HIPK2: variants seen among roughly 807,000 people sequenced by gnomAD.
HIPK2 encodes the protein homeodomain-interacting protein kinase 2.
Under a neutral mutation model 113.7 loss-of-function variants are expected in HIPK2, and 27 were observed. The observed-to-expected ratio is 0.24, with a 90% CI of 0.17 to 0.33. The LOEUF (loss-of-function observed/expected upper bound fraction) is 0.33, where lower values mean the gene tolerates loss of function less well. Among genes scored for constraint, HIPK2 ranks in the 10% least tolerant of loss-of-function variants. The pLI, the probability that HIPK2 is intolerant of heterozygous loss-of-function variation, is 1.00. For missense variants in HIPK2, 1,257 were observed against 1,588.0 expected (o/e 0.79, Z 3.54); for synonymous variants, 631 against 642.2 (o/e 0.98, Z 0.26).
chr7:139,608,252 C>CGCGTGTGT (rs1799692298), intron 9 of HIPK2, among the ~76,000 whole-genome samples: 1 of 136,964 alleles, frequency 7.3e-6, no homozygotes, highest in African/African-American at 2.7e-5. Context: ...CAAAAAAATA[C>CGCGTGTGT]GTGTGTGTGT....
chr7:139,655,232 T>C (rs1216706973), intron 2 of HIPK2, among the ~76,000 whole-genome samples: 2 of 152,126 alleles, frequency 1.3e-5, no homozygotes, highest in Admixed American at 1.3e-4. Context: ...TCATGACAAA[T>C]ACAAACCAGA....
chr7:139,644,373 G>A (rs1801136081), intron 2 of HIPK2, among the ~76,000 whole-genome samples: 1 of 152,180 alleles, frequency 6.6e-6, no homozygotes, highest in Non-Finnish European at 1.5e-5. Flanking sequence ...GTCACCATGT[G>A]TGGGAGGTGA....
At chr7:139,691,416 T>TAA (rs1794402188) in intron 2 of HIPK2, among the ~76,000 whole-genome samples, 3 of 152,208 alleles carry the variant, frequency 2.0e-5, no homozygotes, top group Non-Finnish European at 4.4e-5. Context: ...TTTCATGTAA[T>TAA]AAGACAATAA....
intron 13 of HIPK2, among the ~76,000 whole-genome samples, chr7:139,578,389 G>A (rs1007549342): frequency 6.6e-6 from 1 of 151,752 alleles, no homozygotes; most frequent in African/African-American, 2.4e-5. Context: ...CAAGTGATTT[G>A]CCTGCCTCAG....
In HIPK2 at chr7:139,631,825, T is replaced by C; in HGVS notation, c.1104-100A>G. ...TCAAACCTGGGGTGCCATTACTGAC[T>C]CCTCCTCTGAAGGGCCTGTGGCTCT... On this transcript the variant is annotated intron_variant, in intron 2 of 14. Transcript: ENST00000406875. The surrounding 1 kb of genome is among the most constrained non-coding windows in gnomAD (Gnocchi z 4.9). The C allele has an allele frequency of 1.4e-6, 2 of 1,411,596 alleles. No individual in the cohort carries two copies. The highest frequency in any genetic ancestry group is 9.5e-7 in the Non-Finnish European group (1 of 1,056,312). 87.4% of individuals were successfully genotyped at this position (1,411,596 alleles called of 1,614,324 possible).
chr7:139,665,242 T>C (rs1161203370), intron 2 of HIPK2, among the ~76,000 whole-genome samples: 1 of 152,130 alleles, frequency 6.6e-6, no homozygotes, highest in Non-Finnish European at 1.5e-5. Context: ...TCTTACTATG[T>C]TGCCCAGGCT....
intron 1 of HIPK2, among the ~76,000 whole-genome samples, chr7:139,761,073 CGTGAA>C (rs1315889636): frequency 2.6e-5 from 4 of 152,164 alleles, no homozygotes; most frequent in African/African-American, 9.7e-5. Flanking sequence ...CGTGTTACTA[CGTGAA>C]GTGGTTATTA....
In HIPK2 at chr7:139,613,830, G is replaced by T. The variant is rs913183322; in HGVS notation, c.1990+456C>A. On this transcript the variant is annotated intron_variant, in intron 8 of 14. Transcript: ENST00000406875. This position sits in a 1 kb window ranked among gnomAD's most constrained non-coding sequence, Gnocchi z 4.2. ...GAGGAGTGCTGGGGTCATGGCCAAA[G>T]AATTGTTTTGAGGAGGGGTCCCAGG... is the stretch of plus-strand genomic sequence containing the variant. 7.2e-5 allele frequency among the ~76,000 whole-genome samples: 11 copies of T among 152,308 alleles called. No individual in the cohort carries two copies. The East Asian group carries it at 2.1e-3, about 29-fold the overall frequency.
At chr7:139,726,848 A>G (rs145686394) in intron 1 of HIPK2, among the ~76,000 whole-genome samples, 1 of 152,364 alleles carries the variant, frequency 6.6e-6, no homozygotes, top group East Asian at 1.9e-4. Context: ...AGAATGAGAA[A>G]TAGCAAATGG....
rs572561783 is a variant in HIPK2 at position 139,712,039 on chromosome 7, G to A, written c.1103+3893C>T. Among the ~76,000 whole-genome samples the A allele has an allele frequency of 6.6e-5, 10 of 152,288 alleles. No individual in the cohort carries two copies. The South Asian group carries it at 2.1e-3, about 32-fold the overall frequency. On this transcript the variant is annotated intron_variant, in intron 2 of 14. Coordinates refer to ENST00000406875, the MANE Select transcript of HIPK2 (RefSeq NM_022740.5). Reference sequence around the variant, plus strand: ...CTTTCTCCCAGGGTACTCCCAGGGAGACTCTGTTCCCAGCAACCTCTCCAG... The same window carrying A: ...CTTTCTCCCAGGGTACTCCCAGGGAAACTCTGTTCCCAGCAACCTCTCCAG...
rs1475401483 is a variant in HIPK2 at position 139,775,995 on chromosome 7, GA to G, written c.19+1609del. On this transcript the variant is annotated intron_variant, in intron 1 of 14. Coordinates refer to ENST00000406875, the MANE Select transcript of HIPK2 (RefSeq NM_022740.5). ...AGTGTCCAGCAGAGGGAGTCTCAAG[GA>G]GGTACTTAATAAAGAGAAAATTGTT... Among the ~76,000 whole-genome samples, 7 of 152,162 alleles carry G rather than the reference GA, an allele frequency of 4.6e-5. No homozygotes were observed. The East Asian group carries it at 1.3e-3, about 29-fold the overall frequency.
chr7:139,614,158 G>A (rs144390334), intron 8 of HIPK2, 128 bp downstream of exon 8: 1,330 of 877,204 alleles, frequency 1.5e-3, no homozygotes, highest in Non-Finnish European at 2.0e-3. Flanking sequence ...TGATACCAGC[G>A]CTCTCACTGG....
intron 1 of HIPK2, among the ~76,000 whole-genome samples, chr7:139,739,852 T>A (rs531989355): frequency 1.1e-3 from 171 of 152,334 alleles, no homozygotes; most frequent in African/African-American, 3.9e-3. Context: ...TAACATAAAA[T>A]TTTCAAGGTT....
intron 2 of HIPK2, among the ~76,000 whole-genome samples, chr7:139,654,242 T>A (rs768767720): frequency 6.6e-6 from 1 of 152,198 alleles, no homozygotes; most frequent in Non-Finnish European, 1.5e-5. Flanking sequence ...TTAGGCACAG[T>A]GGCTCATGCC....
At chr7:139,705,893 A>G (rs1438116082) in intron 2 of HIPK2, among the ~76,000 whole-genome samples, 3 of 151,674 alleles carry the variant, frequency 2.0e-5, no homozygotes, top group Admixed American at 1.3e-4. Flanking sequence ...GCACGGGTTG[A>G]GCAGCTGACG....
chr7:139,739,516 G>A lies in HIPK2; in HGVS notation c.20-22501C>T, dbSNP rs533859820. Among the ~76,000 whole-genome samples, 252 of 152,084 alleles carry A rather than the reference G, an allele frequency of 1.7e-3. 2 individuals are homozygous for A. The highest frequency in any genetic ancestry group is 5.9e-3 in the African/African-American group (243 of 41,444). On this transcript the variant is annotated intron_variant, in intron 1 of 14. Coordinates refer to ENST00000406875, the MANE Select transcript of HIPK2 (RefSeq NM_022740.5). ...GCAGGAGAATTGCTTGAACCCTGGA[G>A]GCGGAGGTTGCGGTGAGCCAAGATT...
chr7:139,692,242 C>T (rs1794428884), intron 2 of HIPK2, among the ~76,000 whole-genome samples: 1 of 152,180 alleles, frequency 6.6e-6, no homozygotes, highest in Non-Finnish European at 1.5e-5. Context: ...AGCTCATTTT[C>T]ATTTGGCACC....
At chr7:139,703,597 G>A (rs1386651023) in intron 2 of HIPK2, among the ~76,000 whole-genome samples, 2 of 151,866 alleles carry the variant, frequency 1.3e-5, no homozygotes, top group African/African-American at 2.4e-5. Flanking sequence ...TTAGGACGAG[G>A]AAGGAGCTCT....
intron 2 of HIPK2, among the ~76,000 whole-genome samples, chr7:139,701,455 C>G (rs1362922543): frequency 6.6e-6 from 1 of 152,238 alleles, no homozygotes; most frequent in Non-Finnish European, 1.5e-5. Flanking sequence ...CCTAGAACGT[C>G]GGCTCTCATC....
Sources: gnomAD v4.1 joint callset for allele counts (sites outside exome capture counted in the v4.1 genomes callset) on GRCh38, gnomAD v4.1.1 for gene constraint, Gnocchi (gnomAD v3.1) non-coding constraint, MANE v1.5 for transcripts, NCBI Gene and HGNC (gene_info 2026-07-23, HGNC 2026-07-21) for gene names.